Variants in SLC4A10 observed in about 807,000 individuals in gnomAD.
The protein encoded by SLC4A10 is sodium-driven chloride bicarbonate exchanger.
A neutral mutation model predicts 137.7 loss-of-function variants in SLC4A10; 42 were observed. The ratio of observed to expected loss-of-function variants is 0.30; its 90% CI spans 0.24 to 0.39. The LOEUF (loss-of-function observed/expected upper bound fraction) is 0.39, where lower values mean the gene tolerates loss of function less well. SLC4A10 is among the 10% of genes least tolerant of loss of function. The pLI is 1.00. For missense variants in SLC4A10, 925 were observed against 1,355.0 expected (o/e 0.68, Z 4.98); for synonymous variants, 474 against 464.1 (o/e 1.02, Z -0.27).
At chr2:161,687,608 A>G (rs2041575041) in intron 1 of SLC4A10, among the ~76,000 whole-genome samples, 2 of 152,082 alleles carry the variant, frequency 1.3e-5, no homozygotes, top group Non-Finnish European at 2.9e-5. Flanking sequence ...TGTTTTATGG[A>G]CATTTGTTAA....
At chr2:161,628,895 G>C (rs562560795) in intron 1 of SLC4A10, among the ~76,000 whole-genome samples, 1 of 152,122 alleles carries the variant, frequency 6.6e-6, no homozygotes, top group Non-Finnish European at 1.5e-5. Context: ...AAGTGGGCTA[G>C]TTTATGATGA....
intron 18 of SLC4A10, 78 bp from the exon 19 acceptor site, chr2:161,950,609 G>A (rs1694629542): frequency 1.5e-6 from 2 of 1,367,706 alleles, no homozygotes. Flanking sequence ...GGCTTTCCTA[G>A]TAGCATCTGT....
chr2:161,669,111 C>A (rs912778873), intron 1 of SLC4A10, among the ~76,000 whole-genome samples: 2 of 151,898 alleles, frequency 1.3e-5, no homozygotes, highest in Non-Finnish European at 2.9e-5. Flanking sequence ...ATGCTAGACA[C>A]AAACTGTATG....
intron 1 of SLC4A10, among the ~76,000 whole-genome samples, chr2:161,678,488 T>C (rs1235678989): frequency 6.6e-6 from 1 of 152,182 alleles, no homozygotes; most frequent in African/African-American, 2.4e-5. Context: ...AGCTATAATA[T>C]ACATACAATA....
At chr2:161,901,807 G>A (rs1338594372) in intron 12 of SLC4A10, among the ~76,000 whole-genome samples, 3 of 151,950 alleles carry the variant, frequency 2.0e-5, no homozygotes, top group African/African-American at 7.3e-5. Context: ...GTCCTTTAAT[G>A]TCTTCCTCAG....
chr2:161,710,611 A>G (rs529887116), intron 1 of SLC4A10: 43 of 429,540 alleles, frequency 1.0e-4, no homozygotes, highest in African/African-American at 5.7e-4. Context: ...TTCTTCTTGC[A>G]TGGCAGGATA....
intron 1 of SLC4A10, among the ~76,000 whole-genome samples, chr2:161,670,783 T>G (rs1382556407): frequency 6.6e-6 from 1 of 152,040 alleles, no homozygotes; most frequent in Non-Finnish European, 1.5e-5. Flanking sequence ...TTCTTTCTAC[T>G]TCAGTATGAC....
intron 2 of SLC4A10, among the ~76,000 whole-genome samples, chr2:161,786,450 T>G (rs932970920): frequency 4.6e-5 from 7 of 152,000 alleles, no homozygotes; most frequent in Non-Finnish European, 8.8e-5. Context: ...GTTCCAATCA[T>G]AGTACTGTTA....
At chr2:161,702,963 C>A (rs569535210) in intron 1 of SLC4A10, among the ~76,000 whole-genome samples, 2 of 151,852 alleles carry the variant, frequency 1.3e-5, no homozygotes, top group African/African-American at 2.4e-5. Context: ...TGTATGCCTA[C>A]CTTTCCTTTT....
chr2:161,846,475 A>G (rs1400433254), intron 4 of SLC4A10, among the ~76,000 whole-genome samples: 1 of 152,166 alleles, frequency 6.6e-6, no homozygotes, highest in East Asian at 1.9e-4. Context: ...ACTCTTGGGC[A>G]TTTATCCCAG....
chr2:161,834,660 TACACACACACAC>T (rs72327926), intron 3 of SLC4A10, among the ~76,000 whole-genome samples: 10,895 of 140,990 alleles, frequency 0.077, 479 homozygotes, highest in East Asian at 0.18. Flanking sequence ...CTTTATCGCC[TACACACACACAC>T]ACACACACAC....
chr2:161,904,972 C>G, intron 14 of SLC4A10, 63 bp downstream of exon 14: 2 of 1,509,296 alleles, frequency 1.3e-6, no homozygotes, highest in Non-Finnish European at 1.8e-6. Flanking sequence ...ATTTATACTT[C>G]TCCCAACATC....
At chr2:161,631,060 A>G (rs1317543143) in intron 1 of SLC4A10, among the ~76,000 whole-genome samples, 1 of 151,732 alleles carries the variant, frequency 6.6e-6, no homozygotes, top group African/African-American at 2.4e-5. Context: ...ATATTTCATG[A>G]TTCCATTTAT....
At chr2:161,823,411 A>G (rs1255075967) in intron 3 of SLC4A10, among the ~76,000 whole-genome samples, 1 of 152,214 alleles carries the variant, frequency 6.6e-6, no homozygotes, top group African/African-American at 2.4e-5. Context: ...CGTCTACCTG[A>G]GCAGTTCATC....
In SLC4A10 at chr2:161,658,057, A is replaced by AT. The variant is rs149091773; in HGVS notation, c.48+33498dup. Among the ~76,000 whole-genome samples, 393 of 152,086 alleles carry AT rather than the reference A, an allele frequency of 2.6e-3. 1 individual carries two copies. The highest frequency in any genetic ancestry group is 4.9e-3 in the Non-Finnish European group (331 of 67,964). On this transcript the variant is annotated intron_variant, in intron 1 of 26. Coordinates refer to ENST00000446997, the MANE Select transcript of SLC4A10 (RefSeq NM_001178015.2). ...GTGCTCATGACACAATTTATCACTT[A>AT]TTTTTTTCTTTTCCTGCAAGCAATG...
chr2:161,939,974 C>T (rs1692369132), intron 15 of SLC4A10, among the ~76,000 whole-genome samples: 1 of 152,160 alleles, frequency 6.6e-6, no homozygotes, highest in African/African-American at 2.4e-5. Flanking sequence ...GTATATACTT[C>T]CAGAATGGTG....
chr2:161,744,464 G>A (rs1246580289), intron 1 of SLC4A10, among the ~76,000 whole-genome samples: 1 of 152,128 alleles, frequency 6.6e-6, no homozygotes, highest in East Asian at 1.9e-4. Context: ...AACTATTGCT[G>A]CATCCCTGGG....
chr2:161,652,487 A>G (rs1285190358), intron 1 of SLC4A10, among the ~76,000 whole-genome samples: 1 of 152,226 alleles, frequency 6.6e-6, no homozygotes, highest in Non-Finnish European at 1.5e-5. Context: ...ATATACAAAT[A>G]TATTTACATT....
intron 1 of SLC4A10, among the ~76,000 whole-genome samples, chr2:161,675,217 C>T (rs2040153773): frequency 6.6e-6 from 1 of 152,146 alleles, no homozygotes; most frequent in South Asian, 2.1e-4. Flanking sequence ...CTTAATTGTG[C>T]CCCTGAGGCC....
Sources: gnomAD v4.1 joint callset for allele counts (sites outside exome capture counted in the v4.1 genomes callset) on GRCh38, gnomAD v4.1.1 for gene constraint, MANE v1.5 for transcripts, NCBI Gene and HGNC (gene_info 2026-07-23, HGNC 2026-07-21) for gene names.